The following CORO2B variants were observed in gnomAD, a reference collection of about 807,000 sequenced individuals.
The protein encoded by CORO2B is coronin-2B.
In CORO2B, 26 loss-of-function variants were observed where a neutral mutation model predicts 58.8. That is an observed-to-expected ratio of 0.44 (90% confidence interval 0.32 to 0.61). CORO2B has a LOEUF of 0.61. Among genes scored for constraint, CORO2B ranks in the 20% least tolerant of loss-of-function variants. The probability of loss-of-function intolerance (pLI) is 0.04; values close to 1 mark genes in which losing one functional copy is unlikely to be tolerated. For synonymous variants in CORO2B, 242 were observed against 253.8 expected, an observed-to-expected ratio of 0.95 and a Z score of 0.44; for missense variants, 460 against 645.1, an observed-to-expected ratio of 0.71 and a Z score of 3.11.
At chr15:68,703,624 G>C (rs1892713098) in intron 3 of CORO2B, among the ~76,000 whole-genome samples, 1 of 152,054 alleles carries the variant, frequency 6.6e-6, no homozygotes, top group Admixed American at 6.6e-5. Context: ...ACAGACAGTG[G>C]GTACTGTCTG....
the CORO2B span, among the ~76,000 whole-genome samples, chr15:68,522,575 G>A: frequency 1.3e-4 from 19 of 151,894 alleles, no homozygotes; most frequent in Non-Finnish European, 2.5e-4. Context: ...TCAGCCTCCT[G>A]AGTAGCTGGG....
At chr15:68,681,679 C>T (rs146279734) in intron 2 of CORO2B, among the ~76,000 whole-genome samples, 9 of 152,006 alleles carry the variant, frequency 5.9e-5, no homozygotes, top group East Asian at 1.9e-4. Flanking sequence ...GCGTGCCCCT[C>T]GAGGGCCAGG....
intron 1 of CORO2B, among the ~76,000 whole-genome samples, chr15:68,585,837 T>A (rs1899541517): frequency 6.6e-6 from 1 of 152,086 alleles, no homozygotes; most frequent in Admixed American, 6.5e-5. Flanking sequence ...GAGGAGGGTG[T>A]CCTATACATG....
intron 2 of CORO2B, among the ~76,000 whole-genome samples, chr15:68,650,355 CTAAAAAAAAAAAAAAAAAAAAAAAAA>C (rs1901597476): frequency 3.5e-5 from 3 of 85,106 alleles, no homozygotes; most frequent in African/African-American, 5.3e-5. Flanking sequence ...GAAACTCTGT[CTAAAAAAAAAAAAAAAAAAAAAAAAA>C]AAAAAAAAAA....
intron 1 of CORO2B, among the ~76,000 whole-genome samples, chr15:68,627,051 T>TA (rs372110557): frequency 4.3e-4 from 65 of 152,354 alleles, no homozygotes; most frequent in African/African-American, 1.5e-3. Flanking sequence ...GCAAGGTACT[T>TA]ACCTTTTTTC....
chr15:68,557,945 A>G, the CORO2B span, among the ~76,000 whole-genome samples: 1 of 152,214 alleles, frequency 6.6e-6, no homozygotes, highest in Non-Finnish European at 1.5e-5. Flanking sequence ...ACGTCTGTCC[A>G]GTTAGACTTC....
intron 2 of CORO2B, among the ~76,000 whole-genome samples, chr15:68,666,794 C>T (rs1344171569): frequency 1.3e-5 from 2 of 152,160 alleles, no homozygotes; most frequent in Non-Finnish European, 1.5e-5. Flanking sequence ...TACACTATTG[C>T]AATCACTGCA....
At chr15:68,660,102 A>T (rs1238538661) in intron 2 of CORO2B, among the ~76,000 whole-genome samples, 2 of 152,072 alleles carry the variant, frequency 1.3e-5, no homozygotes, top group African/African-American at 4.8e-5. Context: ...TGGCTTTTTC[A>T]TTTCTCTAAA....
chr15:68,694,835 CTT>C (rs1892470628), intron 2 of CORO2B, among the ~76,000 whole-genome samples: 1 of 152,270 alleles, frequency 6.6e-6, no homozygotes, highest in South Asian at 2.1e-4. Flanking sequence ...ACTTTAAACA[CTT>C]TTACTTGATG....
Position 68,623,979 on chromosome 15 carries a change from C to G in CORO2B, c.16-21181C>G, listed in dbSNP as rs569778254. On this transcript the variant is annotated intron_variant, in intron 1 of 11. Coordinates refer to ENST00000261861, the MANE Select transcript of CORO2B (RefSeq NM_006091.5). Reference sequence around the variant, plus strand: ...GCCCAGCCCTCCTCAGCTCAACCTCCAACAAGAAGGAGGATTTTCAGCCCT... The same window carrying G: ...GCCCAGCCCTCCTCAGCTCAACCTCGAACAAGAAGGAGGATTTTCAGCCCT... 1.9e-4 allele frequency among the ~76,000 whole-genome samples: 29 copies of G among 152,186 alleles called. No individual in the cohort carries two copies. The East Asian group carries it at 2.1e-3, about 11-fold the overall frequency.
At chr15:68,701,136 C>T (rs1252861251) in intron 3 of CORO2B, among the ~76,000 whole-genome samples, 1 of 152,066 alleles carries the variant, frequency 6.6e-6, no homozygotes. Context: ...AGGAAGGTAG[C>T]CCTGAGGGGC....
At chr15:68,527,299 T>A in the CORO2B span, among the ~76,000 whole-genome samples, 1 of 152,240 alleles carries the variant, frequency 6.6e-6, no homozygotes, top group African/African-American at 2.4e-5. Flanking sequence ...GATTTTCTTC[T>A]ATTTTTTTTT....
chr15:68,582,910 G>A (rs1006368935), intron 1 of CORO2B, among the ~76,000 whole-genome samples: 1 of 152,194 alleles, frequency 6.6e-6, no homozygotes, highest in African/African-American at 2.4e-5. Flanking sequence ...GCTCAGGGGG[G>A]TCAGCGGTCC....
At chr15:68,548,178 T>A in the CORO2B span, among the ~76,000 whole-genome samples, 85 of 70,836 alleles carry the variant, frequency 1.2e-3, 2 homozygotes, top group African/African-American at 4.0e-3. Flanking sequence ...CTTAAAAATA[T>A]ATATATATAT....
chr15:68,658,710 T>C (rs1027837928), intron 2 of CORO2B, among the ~76,000 whole-genome samples: 10 of 152,232 alleles, frequency 6.6e-5, no homozygotes, highest in African/African-American at 2.2e-4. Flanking sequence ...ACCTACTCTT[T>C]GGGATTGGAA....
At chr15:68,632,212 C>T (rs1278405284) in intron 1 of CORO2B, 1 of 985,384 alleles carries the variant, frequency 1.0e-6, no homozygotes, top group Non-Finnish European at 1.2e-6. Context: ...GCTATTCATC[C>T]ACACGGCCCA....
chr15:68,607,374 A>T (rs775152402), intron 1 of CORO2B, among the ~76,000 whole-genome samples: 23 of 152,156 alleles, frequency 1.5e-4, no homozygotes, highest in Non-Finnish European at 2.6e-4. Context: ...ATTTTACATG[A>T]TGACTTGGGG....
intron 1 of CORO2B, among the ~76,000 whole-genome samples, chr15:68,610,202 T>C (rs1032447226): frequency 1.3e-5 from 2 of 152,128 alleles, no homozygotes; most frequent in African/African-American, 4.8e-5. Flanking sequence ...TCAGCAGCCC[T>C]CACTAAATGT....
intron 2 of CORO2B, among the ~76,000 whole-genome samples, chr15:68,654,563 T>C (rs1171137246): frequency 6.6e-6 from 1 of 152,210 alleles, no homozygotes. Context: ...GAGCCTCCCA[T>C]ACCTTTGGAA....
Sources: gnomAD v4.1 joint callset for allele counts (sites outside exome capture counted in the v4.1 genomes callset) on GRCh38, gnomAD v4.1.1 for gene constraint, MANE v1.5 for transcripts, NCBI Gene and HGNC (gene_info 2026-07-23, HGNC 2026-07-21) for gene names.